The following WDR7 variants were observed in gnomAD, a reference collection of about 807,000 sequenced individuals.
WDR7 encodes the protein WD repeat-containing protein 7.
A neutral mutation model predicts 169.4 loss-of-function variants in WDR7; 46 were observed. The observed-to-expected ratio is 0.27, with a 90% CI of 0.21 to 0.35. The LOEUF (loss-of-function observed/expected upper bound fraction) is 0.35. Ranked by LOEUF, WDR7 falls within the 10% of genes least tolerant of loss-of-function variation. WDR7 has a pLI of 1.00. For missense variants in WDR7, 1,534 were observed against 1,859.3 expected, an observed-to-expected ratio of 0.83 and a Z score of 3.22; for synonymous variants, 612 against 666.8, an observed-to-expected ratio of 0.92 and a Z score of 1.27.
At chr18:56,791,326 A>G (rs908893499) in intron 19 of WDR7, among the ~76,000 whole-genome samples, 1 of 152,142 alleles carries the variant, frequency 6.6e-6, no homozygotes, top group African/African-American at 2.4e-5. Context: ...CATATAATTA[A>G]ATTACATCTT....
chr18:56,988,281 T>A (rs1300530388), intron 26 of WDR7, among the ~76,000 whole-genome samples: 2 of 152,174 alleles, frequency 1.3e-5, no homozygotes, highest in African/African-American at 4.8e-5. Context: ...CTTCTAAACC[T>A]CTAGGGGTGT....
At chr18:57,006,068 G>T (rs1277191983) in intron 26 of WDR7, among the ~76,000 whole-genome samples, 1 of 152,212 alleles carries the variant, frequency 6.6e-6, no homozygotes, top group Non-Finnish European at 1.5e-5. Context: ...TAAATGGAAA[G>T]CTTCTGGTTG....
intron 16 of WDR7, among the ~76,000 whole-genome samples, chr18:56,762,943 T>G (rs932782973): frequency 1.3e-4 from 20 of 152,044 alleles, no homozygotes; most frequent in African/African-American, 2.9e-4. Context: ...AAAGTTTTTT[T>G]TTTGTTTGTT....
chr18:57,003,602 T>C (rs1787456), intron 26 of WDR7, among the ~76,000 whole-genome samples: 93,674 of 151,856 alleles, frequency 0.62, 29,447 homozygotes, highest in Middle Eastern at 0.72. Flanking sequence ...GGGATTAATC[T>C]AGTATTAAAT....
At chr18:56,876,053 A>G (rs72917319) in intron 20 of WDR7, among the ~76,000 whole-genome samples, 3,830 of 152,280 alleles carry the variant, frequency 0.025, 55 homozygotes, top group Non-Finnish European at 0.035. Flanking sequence ...AATTAGCCAT[A>G]GGTTAGAAGT....
intron 26 of WDR7, among the ~76,000 whole-genome samples, chr18:57,003,503 T>A (rs1003882292): frequency 6.6e-6 from 1 of 152,002 alleles, no homozygotes; most frequent in Non-Finnish European, 1.5e-5. Flanking sequence ...ATTTTGTTAC[T>A]CAAAACTCAA....
chr18:56,726,560 A>G (rs1046296910), intron 13 of WDR7, among the ~76,000 whole-genome samples: 2 of 152,110 alleles, frequency 1.3e-5, no homozygotes, highest in Non-Finnish European at 2.9e-5. Context: ...GGGCTGAGAC[A>G]ATGGGGTTTT....
chr18:56,836,708 T>C (rs923414628), intron 20 of WDR7, among the ~76,000 whole-genome samples: 1 of 152,192 alleles, frequency 6.6e-6, no homozygotes, highest in African/African-American at 2.4e-5. Flanking sequence ...TTTATTTTAC[T>C]TGATTGATGC....
At chr18:57,004,626 A>G (rs185185273) in intron 26 of WDR7, among the ~76,000 whole-genome samples, 58 of 152,310 alleles carry the variant, frequency 3.8e-4, no homozygotes, top group African/African-American at 1.3e-3. Flanking sequence ...TGTCACTAGC[A>G]GGTCATTTTA....
chr18:57,017,620 C>T (rs1018337068), intron 26 of WDR7, among the ~76,000 whole-genome samples: 1 of 151,806 alleles, frequency 6.6e-6, no homozygotes, highest in Admixed American at 6.6e-5. Context: ...CAAATGAAAA[C>T]GGAACAGTGA....
At chr18:56,815,679 A>G (rs947222617) in intron 19 of WDR7, among the ~76,000 whole-genome samples, 1 of 152,212 alleles carries the variant, frequency 6.6e-6, no homozygotes, top group Non-Finnish European at 1.5e-5. Flanking sequence ...TTTTAAAACA[A>G]TCCACACTTT....
chr18:56,937,697 A>C lies in WDR7; in HGVS notation c.3832-836A>C, dbSNP rs116707295. On this transcript the variant is annotated intron_variant, in intron 23 of 27. Coordinates refer to ENST00000254442, the MANE Select transcript of WDR7 (RefSeq NM_015285.3). ...CTTAATTGTAAAGCACTTAGAGAAT[A>C]ATTTCTGGGACACAGTGAGTGTGGT... Among the ~76,000 whole-genome samples, 742 of 152,264 alleles carry C rather than the reference A, an allele frequency of 4.9e-3. 8 individuals carry two copies. The highest frequency in any genetic ancestry group is 0.016 in the African/African-American group (676 of 41,568).
intron 20 of WDR7, among the ~76,000 whole-genome samples, chr18:56,857,711 C>T (rs751046310): frequency 6.6e-6 from 1 of 152,054 alleles, no homozygotes; most frequent in African/African-American, 2.4e-5. Flanking sequence ...CTGGATTATG[C>T]TATAGGAAAT....
chr18:56,833,332 G>A (rs1285004547), intron 20 of WDR7, among the ~76,000 whole-genome samples: 1 of 151,984 alleles, frequency 6.6e-6, no homozygotes, highest in Non-Finnish European at 1.5e-5. Flanking sequence ...AGAAATATGG[G>A]ACTATGTGAA....
At chr18:56,780,548 G>T (rs2044302808) in intron 18 of WDR7, among the ~76,000 whole-genome samples, 1 of 152,170 alleles carries the variant, frequency 6.6e-6, no homozygotes, top group South Asian at 2.1e-4. Flanking sequence ...GCCGGGTGAT[G>T]TGGGTCATGC....
At chr18:56,927,648 C>A (rs933433433) in intron 22 of WDR7, among the ~76,000 whole-genome samples, 6 of 151,946 alleles carry the variant, frequency 3.9e-5, no homozygotes, top group African/African-American at 1.2e-4. Context: ...AATTGGTTAC[C>A]CCTTTATTTT....
At chr18:56,902,556 A>G (rs2046417461) in intron 21 of WDR7, among the ~76,000 whole-genome samples, 1 of 152,190 alleles carries the variant, frequency 6.6e-6, no homozygotes, top group Non-Finnish European at 1.5e-5. Context: ...CCTGTGTTGC[A>G]GGTGTAGTGG....
chr18:56,971,963 T>G (rs190492932), intron 26 of WDR7, among the ~76,000 whole-genome samples: 7 of 152,358 alleles, frequency 4.6e-5, no homozygotes, highest in African/African-American at 1.4e-4. Flanking sequence ...ATGAGTAATA[T>G]AGATGTTGTA....
chr18:56,680,935 T>C lies in WDR7; in HGVS notation c.267-378T>C, dbSNP rs553151244. The stretch of plus-strand genomic sequence containing the variant: ...AGGCCTCTACTCTGCTTCACTGTTA[T>C]CCTTACTTTGAGGTTCAGAGTGAGG... On this transcript the variant is annotated intron_variant, in intron 3 of 27. Transcript: ENST00000254442. Among the ~76,000 whole-genome samples, 20 of 152,358 alleles carry C rather than the reference T, an allele frequency of 1.3e-4. No individual in the cohort carries two copies. In the South Asian group the frequency reaches 3.3e-3, roughly 25 times the overall value.
Sources: allele counts gnomAD v4.1 joint callset (sites outside exome capture counted in the v4.1 genomes callset), GRCh38; gene constraint gnomAD v4.1.1; transcripts MANE v1.5; gene names NCBI Gene and HGNC (gene_info 2026-07-23, HGNC 2026-07-21).